The following PATZ1 variants were observed in gnomAD, a reference collection of about 807,000 sequenced individuals.
The protein encoded by PATZ1 is POZ/BTB and AT hook containing zinc finger 1, also known as POZ-, AT hook-, and zinc finger-containing protein 1.
A neutral mutation model predicts 46.2 loss-of-function variants in PATZ1; 9 were observed. That is an observed-to-expected ratio of 0.19 (90% CI 0.12 to 0.34). The LOEUF (loss-of-function observed/expected upper bound fraction) is 0.34, where lower values mean the gene tolerates loss of function less well. Among genes scored for constraint, PATZ1 ranks in the 10% least tolerant of loss-of-function variants. PATZ1 has a pLI of 1.00. For synonymous variants in PATZ1, 426 were observed against 378.6 expected, an observed-to-expected ratio of 1.13 and a Z score of -1.45; for missense variants, 632 against 923.0, an observed-to-expected ratio of 0.68 and a Z score of 4.08.
At chr22:31,340,434 AG>A (rs968731497) in intron 2 of PATZ1, among the ~76,000 whole-genome samples, 15 of 152,224 alleles carry the variant, frequency 9.9e-5, no homozygotes, top group Non-Finnish European at 1.8e-4. Flanking sequence ...CTATGCCAAC[AG>A]GTGCCCCTGC....
intron 1 of PATZ1, chr22:31,343,303 G>A (rs2049606608): frequency 9.5e-7 from 1 of 1,048,238 alleles, no homozygotes; most frequent in Non-Finnish European, 1.2e-6. Flanking sequence ...GCCTTTCCAG[G>A]AGGGGATATG....
Position 31,326,958 on chromosome 22 carries a change from G to T in PATZ1, c.1997C>A (p.Ser666Ter). Residue 666 changes from serine (S) to a stop codon, truncating the protein, a stop_gained, in exon 5 of 5, where the codon TCG becomes TAG. Transcript: ENST00000266269. LOFTEE classifies it high-confidence loss of function. Reference protein sequence around the residue: ...LESFGFQIVQSAFASSLVDPE... With the variant: ...LESFGFQIVQ The stretch of plus-strand genomic sequence containing the variant: ...ATCTACTAAAGATGACGCAAATGCC[G>T]ACTGAACAATCTGAAACCCAAAGGA... 1 of 1,614,096 alleles carries T rather than the reference G, an allele frequency of 6.2e-7. No individual in the cohort carries two copies. Among genetic ancestry groups the T allele is most frequent in the South Asian group, 1.1e-5 (1 of 91,042 alleles).
chr22:31,328,869 G>A lies in PATZ1; in HGVS notation c.1563C>T (p.Pro521=), dbSNP rs1441982313. The part of the protein sequence containing the change: ...KVHVKTHHGV[P]LPQVSRHQEP... ...CCTGGTGCCTGGAGACCTGGGGAAG[G>A]GGAACACCGTGGTGGGTTTTAACAT... Residue 521 remains proline, a synonymous_variant, in exon 4 of 5, where the codon CCC becomes CCT. Transcript: ENST00000266269. This position sits in a 1 kb window ranked among gnomAD's most constrained non-coding sequence, Gnocchi z 4.8. 2 of 1,614,040 alleles carry A rather than the reference G, an allele frequency of 1.2e-6. No individual in the cohort carries two copies. Among genetic ancestry groups the A allele is most frequent in the African/African-American group, 2.7e-5 (2 of 75,052 alleles).
intron 3 of PATZ1, among the ~76,000 whole-genome samples, chr22:31,330,051 G>A (rs1441400770): frequency 1.3e-5 from 2 of 152,212 alleles, no homozygotes; most frequent in Non-Finnish European, 2.9e-5. Flanking sequence ...CAGGATAACA[G>A]TGAGATCCAC....
chr22:31,341,279 C>G, intron 2 of PATZ1: 1 of 1,430,962 alleles, frequency 7.0e-7, no homozygotes, highest in Admixed American at 2.6e-5. Flanking sequence ...GACTCCGAGT[C>G]ACCCAGGGAG....
At position 31,326,615 on chromosome 22, in the gene PATZ1, CTG is replaced by C; in HGVS notation, c.*274_*275del. ...TTCCAGCTTCTTCCCATTAAAGAAA[CTG>C]GGACTGGTTTTGCCTTGGAGGCCTA... On this transcript the variant is annotated 3_prime_UTR_variant, in exon 5 of 5. Coordinates refer to ENST00000266269, the MANE Select transcript of PATZ1 (RefSeq NM_014323.3). The C allele has an allele frequency of 2.8e-6, 1 of 355,638 alleles. No individual in the cohort carries two copies. Among genetic ancestry groups the C allele is most frequent in the Non-Finnish European group, 5.1e-6 (1 of 196,492 alleles). 22.0% of individuals were successfully genotyped at this position (355,638 alleles called of 1,614,324 possible).
At position 31,341,522 on chromosome 22, in the gene PATZ1, G is replaced by A. The variant is rs745765090; in HGVS notation, c.1335+1375C>T. 12 of 1,613,964 alleles carry A rather than the reference G, an allele frequency of 7.4e-6. No individual in the cohort carries two copies. In the Admixed American group the frequency reaches 2.0e-4, roughly 27 times the overall value. On this transcript the variant is annotated intron_variant, in intron 2 of 4. Transcript: ENST00000266269. The stretch of plus-strand genomic sequence containing the variant: ...TGTTGCTGGAGTGTGCTGGGCCCAG[G>A]TTTTCAAGGGCTGGGAATGATTTTT...
chr22:31,333,148 C>T (rs2049462609), intron 3 of PATZ1, among the ~76,000 whole-genome samples: 1 of 152,196 alleles, frequency 6.6e-6, no homozygotes, highest in South Asian at 2.1e-4. Flanking sequence ...TGCCTTTCCT[C>T]TTTGCCATTC....
Position 31,344,550 on chromosome 22 carries a change from G to A in PATZ1, c.1053C>T (p.Thr351=). ...AGATCTCACAAGCCACCTGCTTCCT[G>A]GTCCGGCTCCTCTTTCGGGGGCCGT... ...DPDGPRKRSR[T]RKQVACEICG... The change falls in exon 1 of 5, where the codon ACC becomes ACT. Residue 351 remains threonine (T), a synonymous_variant. Coordinates refer to ENST00000266269, the MANE Select transcript of PATZ1 (RefSeq NM_014323.3). The A allele has an allele frequency of 6.2e-7, 1 of 1,614,218 alleles. No homozygotes were observed.
chr22:31,345,758 C>G lies in PATZ1; in HGVS notation c.-156G>C. 3 of 727,736 alleles carry G rather than the reference C, an allele frequency of 4.1e-6. No individual in the cohort carries two copies. The highest frequency in any genetic ancestry group is 6.5e-6 in the Non-Finnish European group (3 of 458,626). The allele number at this position is 727,736 out of a possible 1,614,324, so 45.1% of individuals were successfully genotyped here. On this transcript the variant is annotated 5_prime_UTR_variant, in exon 1 of 5. Coordinates refer to ENST00000266269, the MANE Select transcript of PATZ1 (RefSeq NM_014323.3). This position sits in a 1 kb window ranked among gnomAD's most constrained non-coding sequence, Gnocchi z 7.4. The stretch of plus-strand genomic sequence containing the variant: ...TCGCAGGTGCGCCGAGTGTACACGC[C>G]CCCAGCCCGGATCAGACTGTCTAGA...
intron 2 of PATZ1, 86 bp downstream of exon 2, chr22:31,342,810 CG>C (rs2049599515): frequency 6.8e-7 from 1 of 1,464,108 alleles, no homozygotes; most frequent in African/African-American, 1.4e-5. Context: ...GCCGGGCCCC[CG>C]GCACACGCAG....
chr22:31,329,045 G>T, intron 3 of PATZ1, 121 bp from the exon 4 acceptor site: 1 of 1,047,978 alleles, frequency 9.5e-7, no homozygotes, highest in Non-Finnish European at 1.4e-6. Context: ...CCTAGAAGGG[G>T]CCCCCTCCTG....
Position 31,326,141 on chromosome 22 carries a change from A to C in PATZ1, c.*750T>G, listed in dbSNP as rs1398108640. The C allele has an allele frequency of 4.5e-6, 1 of 222,894 alleles. No homozygotes were observed. The highest frequency in any genetic ancestry group is 9.0e-6 in the Non-Finnish European group (1 of 111,322). The allele number at this position is 222,894 out of a possible 1,614,324, so 13.8% of individuals were successfully genotyped here. A position where few individuals can be genotyped will look rare whatever the true frequency, so the allele number is the denominator to read the frequency against. ...ATCACCTGGGATAGCTTTCAGTAGC[A>C]ATTCACTACAACTGGTCCTAAAAAA... On this transcript the variant is annotated 3_prime_UTR_variant, in exon 5 of 5. Coordinates refer to ENST00000266269, the MANE Select transcript of PATZ1 (RefSeq NM_014323.3).
intron 3 of PATZ1, among the ~76,000 whole-genome samples, chr22:31,333,311 CCTTTGTT>C (rs1270296502): frequency 6.6e-6 from 1 of 152,154 alleles, no homozygotes; most frequent in Non-Finnish European, 1.5e-5. Flanking sequence ...TGACATTCAG[CCTTTGTT>C]TGAACACATG....
At chr22:31,342,991 G>A (rs2049602287) in intron 1 of PATZ1, 31 bp from the exon 2 acceptor site, 2 of 1,613,330 alleles carry the variant, frequency 1.2e-6, no homozygotes, top group South Asian at 1.1e-5. Context: ...AGGGACTTTA[G>A]AAACTTGGCC....
In PATZ1 at chr22:31,331,140, T is replaced by C. The variant is rs2049436303; in HGVS notation, c.1508-2216A>G. Among the ~76,000 whole-genome samples, 3 of 152,172 alleles carry C rather than the reference T, an allele frequency of 2.0e-5. 1 individual carries two copies. The highest frequency in any genetic ancestry group is 2.0e-4 in the Admixed American group (3 of 15,282). On this transcript the variant is annotated intron_variant, in intron 3 of 4. Transcript: ENST00000266269. ...TAGATTGGTGTAAGAGGGTCCCATG[T>C]AGACATCCCTAAGAGGGAGGCTGTA...
chr22:31,339,500 A>C (rs943380902), intron 2 of PATZ1, among the ~76,000 whole-genome samples: 1 of 152,218 alleles, frequency 6.6e-6, no homozygotes, highest in Non-Finnish European at 1.5e-5. Flanking sequence ...GGAGGGAGAC[A>C]GATCTCAAAG....
Position 31,345,934 on chromosome 22 carries a change from T to G in PATZ1, c.-332A>C, listed in dbSNP as rs1242133903. ...GGTGCGCCCCTCCTGCAAACGCGCC[T>G]GCCACCTCCCCTCCCGCCCGCCAGG... On this transcript the variant is annotated 5_prime_UTR_variant, in exon 1 of 5. Coordinates refer to ENST00000266269, the MANE Select transcript of PATZ1 (RefSeq NM_014323.3). The surrounding 1 kb of genome is among the most constrained non-coding windows in gnomAD (Gnocchi z 7.4). 8 of 277,332 alleles carry G rather than the reference T, an allele frequency of 2.9e-5. No homozygotes were observed. The highest frequency in any genetic ancestry group is 5.4e-5 in the Non-Finnish European group (8 of 148,388). 17.2% of individuals were successfully genotyped at this position (277,332 alleles called of 1,614,324 possible).
intron 2 of PATZ1, chr22:31,340,868 T>G (rs1374946087): frequency 1.9e-6 from 2 of 1,062,836 alleles, no homozygotes; most frequent in African/African-American, 1.6e-5. Context: ...CTAATAAACC[T>G]CAAAAACACA....
Sources: gnomAD v4.1 joint callset for allele counts (sites outside exome capture counted in the v4.1 genomes callset) on GRCh38, gnomAD v4.1.1 for gene constraint, Gnocchi (gnomAD v3.1) non-coding constraint, MANE v1.5 for transcripts, NCBI Gene and HGNC (gene_info 2026-07-23, HGNC 2026-07-21) for gene names.